Variants in GPATCH1 observed in about 807,000 individuals in gnomAD.
GPATCH1 encodes G-patch domain containing 1.
A neutral mutation model predicts 114.9 loss-of-function variants in GPATCH1; 73 were observed. That is an observed-to-expected ratio of 0.64 (90% CI 0.53 to 0.77). The LOEUF (loss-of-function observed/expected upper bound fraction) is 0.77, where lower values mean the gene tolerates loss of function less well. Among genes scored for constraint, GPATCH1 ranks in the 30% least tolerant of loss-of-function variants. The pLI is 0.00. For missense variants in GPATCH1, 1,058 were observed against 1,144.3 expected (o/e 0.92, Z 1.09); for synonymous variants, 391 against 428.4 (o/e 0.91, Z 1.08).
chr19:33,127,739 C>G (rs1403546576), intron 19 of GPATCH1, among the ~76,000 whole-genome samples: 1 of 152,014 alleles, frequency 6.6e-6, no homozygotes, highest in Non-Finnish European at 1.5e-5. Flanking sequence ...AGACGAGTCT[C>G]GTTCTGTCAC....
chr19:33,110,282 G>A (rs914137073), intron 11 of GPATCH1, among the ~76,000 whole-genome samples: 4 of 152,164 alleles, frequency 2.6e-5, no homozygotes, highest in Admixed American at 6.5e-5. Flanking sequence ...CTTACAGGCC[G>A]TTTGGTGTTT....
intron 8 of GPATCH1, among the ~76,000 whole-genome samples, chr19:33,099,665 C>T (rs1972702811): frequency 2.6e-5 from 4 of 151,694 alleles, no homozygotes; most frequent in Admixed American, 2.6e-4. Context: ...GTGGCATGAT[C>T]TCGGCTCACT....
At chr19:33,099,658 G>T (rs1276965926) in intron 8 of GPATCH1, among the ~76,000 whole-genome samples, 1 of 151,736 alleles carries the variant, frequency 6.6e-6, no homozygotes, top group African/African-American at 2.4e-5. Flanking sequence ...GAGAGCAGTG[G>T]CATGATCTCG....
rs1973026652 is a variant in GPATCH1, at chr19:33,125,165, A to G, written c.2582A>G (p.His861Arg). 7 of 1,598,090 alleles carry G rather than the reference A, an allele frequency of 4.4e-6. No individual in the cohort carries two copies. Among genetic ancestry groups the G allele is most frequent in the Middle Eastern group, 1.6e-4 (1 of 6,072 alleles). Residue 861 changes from histidine to arginine, a missense_variant, in exon 18 of 20, where the codon CAC (histidine) becomes CGC (arginine). By Grantham distance (29) the His-to-Arg change is conservative. Coordinates refer to ENST00000170564, the MANE Select transcript of GPATCH1 (RefSeq NM_018025.3). ...KEKHKKNKDK[H>R]KAKKEHRRKK... ...AAACATAAAAAGAACAAAGACAAGC[A>G]CAAGGCCAAGAAAGAGCACAGGCGG...
chr19:33,106,782 T>C lies in GPATCH1; in HGVS notation c.1168T>C (p.Leu390=), dbSNP rs762037683. The change falls in exon 10 of 20, where the codon TTA becomes CTA. Residue 390 remains leucine, a synonymous_variant. Transcript: ENST00000170564. ...MVAATSENSH[L]LQVLSESAGK... is the part of the protein sequence containing the mutation. The stretch of plus-strand genomic sequence containing the variant: ...GGCCGCCACCTCCGAGAACTCACAC[T>C]TACTGCAGGTATTATCAGAGTCAGC... The C allele has an allele frequency of 5.6e-6, 9 of 1,613,906 alleles. No individual in the cohort carries two copies. Among genetic ancestry groups the C allele is most frequent in the Admixed American group, 5.0e-5 (3 of 60,008 alleles).
chr19:33,130,130 G>A lies in GPATCH1; in HGVS notation c.2766G>A (p.Arg922=). 1 of 1,610,298 alleles carries A rather than the reference G, an allele frequency of 6.2e-7. No individual in the cohort carries two copies. The highest frequency in any genetic ancestry group is 8.5e-7 in the Non-Finnish European group (1 of 1,176,794). Residue 922 remains arginine (R), a splice_region_variant and synonymous_variant, in exon 20 of 20, where the codon CGG becomes CGA. Transcript: ENST00000170564. ...CTCTCTTTTCTGTTTTCTTTTCCAG[G>A]CTGAAAAGTCTTCCACTAAGAAGGC... The part of the protein sequence containing the change: ...ADVSPQELLR[R]LKSLPLRRQ
At position 33,109,862 on chromosome 19, in the gene GPATCH1, C is replaced by T. The variant is rs1972830307; in HGVS notation, c.1431C>T (p.Ser477=). 3 of 1,614,128 alleles carry T rather than the reference C, an allele frequency of 1.9e-6. No homozygotes were observed. The highest frequency in any genetic ancestry group is 2.2e-5 in the East Asian group (1 of 44,880). ...CTCAGAGCAGCAGAGCCCAGCTCTC[C>T]CCTGCAGCGGCTGCTGGGCACTGCT... ...QNAQSSRAQL[S]PAAAAGHCSW... is the part of the protein sequence containing the mutation. Residue 477 remains serine, a synonymous_variant, in exon 11 of 20, where the codon TCC becomes TCT. Transcript: ENST00000170564.
At chr19:33,111,988 C>T (rs531595289) in intron 12 of GPATCH1, 86 bp downstream of exon 12, 83 of 1,013,298 alleles carry the variant, frequency 8.2e-5, no homozygotes, top group Admixed American at 2.7e-4. Context: ...TTTTTTGAGA[C>T]GGAGTCTCTC....
At chr19:33,110,038 C>T in intron 11 of GPATCH1, 22 bp downstream of exon 11, 2 of 1,573,754 alleles carry the variant, frequency 1.3e-6, no homozygotes, top group South Asian at 2.3e-5. Flanking sequence ...GCCTGGGTGT[C>T]CCAAATCTCG....
At chr19:33,099,431 C>T (rs1972699231) in intron 8 of GPATCH1, among the ~76,000 whole-genome samples, 1 of 152,012 alleles carries the variant, frequency 6.6e-6, no homozygotes, top group Non-Finnish European at 1.5e-5. Context: ...CTCACTCCTT[C>T]CACTGAGCTC....
chr19:33,108,859 C>T (rs1005102329), intron 10 of GPATCH1, among the ~76,000 whole-genome samples: 2 of 152,130 alleles, frequency 1.3e-5, no homozygotes, highest in Admixed American at 6.6e-5. Flanking sequence ...GTCAGGTTCC[C>T]CATCCTGGAA....
chr19:33,121,568 C>T (rs34529953), intron 17 of GPATCH1, among the ~76,000 whole-genome samples: 23,813 of 152,088 alleles, frequency 0.16, 2,059 homozygotes, highest in East Asian at 0.35. Context: ...ATCTGCCCGC[C>T]TCAGCCTCCC....
At position 33,088,112 on chromosome 19, in the gene GPATCH1, CTT is replaced by C. The variant is rs35343047; in HGVS notation, c.74-4_74-3del. 0.13 allele frequency: 136,528 copies of C among 1,070,688 alleles called. 12 individuals are homozygous for C. The highest frequency in any genetic ancestry group is 0.18 in the South Asian group (8,405 of 46,346). 66.3% of individuals were successfully genotyped at this position (1,070,688 alleles called of 1,614,324 possible). ...TCTCCTCTCTTTTTCATTTAAAAAA[CTT>C]TTTTTTTTTTTTTTTTTAGGTGAAA... On this transcript the variant is annotated intron_variant, in intron 1 of 19. Coordinates refer to ENST00000170564, the MANE Select transcript of GPATCH1 (RefSeq NM_018025.3).
intron 17 of GPATCH1, among the ~76,000 whole-genome samples, chr19:33,119,982 T>C (rs1972959410): frequency 7.0e-6 from 1 of 143,846 alleles, no homozygotes; most frequent in South Asian, 2.1e-4. Context: ...ATTTATATAT[T>C]TTATATATTT....
intron 2 of GPATCH1, among the ~76,000 whole-genome samples, chr19:33,090,114 C>T (rs924343709): frequency 5.3e-5 from 8 of 152,148 alleles, no homozygotes; most frequent in African/African-American, 1.9e-4. Context: ...GCAGAGGTTA[C>T]AGACATATGT....
intron 2 of GPATCH1, 123 bp downstream of exon 2, chr19:33,088,391 C>A: frequency 4.2e-6 from 3 of 709,638 alleles, no homozygotes; most frequent in South Asian, 1.9e-5. Context: ...GTCGCCCAGG[C>A]TGGAGTGCTG....
intron 2 of GPATCH1, among the ~76,000 whole-genome samples, chr19:33,088,936 T>TTACA (rs1972564566): frequency 6.6e-6 from 1 of 152,122 alleles, no homozygotes; most frequent in Non-Finnish European, 1.5e-5. Flanking sequence ...GGATTACAGG[T>TTACA]GTGAGCCACT....
At chr19:33,113,933 T>C in intron 14 of GPATCH1, 30 bp downstream of exon 14, 1 of 1,607,452 alleles carries the variant, frequency 6.2e-7, no homozygotes. Flanking sequence ...GGTCTCTGAT[T>C]GACCAGGGCC....
chr19:33,100,480 C>T (rs750151036), intron 8 of GPATCH1, among the ~76,000 whole-genome samples: 21 of 149,936 alleles, frequency 1.4e-4, no homozygotes, highest in Non-Finnish European at 2.7e-4. Flanking sequence ...GCCAGCTACT[C>T]GGGAGGCTGA....
Sources: allele counts gnomAD v4.1 joint callset (sites outside exome capture counted in the v4.1 genomes callset), GRCh38; gene constraint gnomAD v4.1.1; transcripts MANE v1.5; gene names NCBI Gene and HGNC (gene_info 2026-07-23, HGNC 2026-07-21).